The following MSH3 variants were observed in gnomAD, a reference collection of about 807,000 sequenced individuals.
The protein encoded by MSH3 is DNA mismatch repair protein Msh3.
Under a neutral mutation model 123.3 loss-of-function variants are expected in MSH3, and 106 were observed. The observed-to-expected ratio is 0.86, with a 90% confidence interval of 0.73 to 1.01. The LOEUF is 1.01. MSH3 is among the 50% of genes least tolerant of loss of function. The probability of loss-of-function intolerance (pLI) is 0.00; values close to 1 mark genes in which losing one functional copy is unlikely to be tolerated. For synonymous variants in MSH3, 515 were observed against 481.4 expected (o/e 1.07, Z -0.91); for missense variants, 1,459 against 1,347.6 (o/e 1.08, Z -1.29).
intron 2 of MSH3, among the ~76,000 whole-genome samples, chr5:80,664,084 T>C (rs1749509410): frequency 6.6e-6 from 1 of 152,220 alleles, no homozygotes; most frequent in African/African-American, 2.4e-5. Flanking sequence ...CTTTTATGGA[T>C]TGCTTGTTTA....
intron 10 of MSH3, among the ~76,000 whole-genome samples, chr5:80,732,064 G>A (rs79226381): frequency 0.012 from 1,802 of 152,272 alleles, 30 homozygotes; most frequent in African/African-American, 0.041. Context: ...TCTTAAGGAT[G>A]ATTTAAGTGA....
intron 20 of MSH3, among the ~76,000 whole-genome samples, chr5:80,852,889 A>T (rs868432205): frequency 6.6e-6 from 1 of 152,214 alleles, no homozygotes; most frequent in African/African-American, 2.4e-5. Context: ...TTTGTGAACT[A>T]TTGTAGCAAA....
intron 20 of MSH3, among the ~76,000 whole-genome samples, chr5:80,829,018 CA>C (rs1745374038): frequency 6.6e-6 from 1 of 152,194 alleles, no homozygotes; most frequent in Non-Finnish European, 1.5e-5. Flanking sequence ...GACATTACCC[CA>C]CTTGGGGTTG....
At position 80,825,570 on chromosome 5, in the gene MSH3, C is replaced by G. The variant is rs1003213909; in HGVS notation, c.2813+11829C>G. Reference sequence around the variant, plus strand: ...TTGTGACTTGTCTCATACTCAACTCCTAGTGCACACAAGGGAGTTTTTCTC... The same window carrying G: ...TTGTGACTTGTCTCATACTCAACTCGTAGTGCACACAAGGGAGTTTTTCTC... On this transcript the variant is annotated intron_variant, in intron 20 of 23. Coordinates refer to ENST00000265081, the MANE Select transcript of MSH3 (RefSeq NM_002439.5). Among the ~76,000 whole-genome samples the G allele has an allele frequency of 6.6e-5, 6 of 91,386 alleles. No homozygotes were observed. In the Admixed American group the frequency reaches 6.9e-4, roughly 10 times the overall value. The allele number at this position is 91,386 out of a possible 152,430, so 60.0% of individuals were successfully genotyped here.
chr5:80,752,252 A>G (rs1012237142), intron 12 of MSH3, among the ~76,000 whole-genome samples: 1 of 152,036 alleles, frequency 6.6e-6, no homozygotes, highest in Non-Finnish European at 1.5e-5. Flanking sequence ...GCTGAGGTCT[A>G]AGAGGTAAGG....
chr5:80,670,390 G>C (rs1749678200), intron 4 of MSH3, 81 bp downstream of exon 4: 2 of 1,393,804 alleles, frequency 1.4e-6, no homozygotes, highest in African/African-American at 2.9e-5. Context: ...TTCATTTTCT[G>C]ACCTTATATA....
chr5:80,863,036 A>G (rs1261737190), intron 21 of MSH3, among the ~76,000 whole-genome samples: 1 of 152,196 alleles, frequency 6.6e-6, no homozygotes, highest in Non-Finnish European at 1.5e-5. Flanking sequence ...TTAATTACAA[A>G]GGGAAAAGGT....
chr5:80,808,560 T>G (rs1744943919), intron 19 of MSH3, among the ~76,000 whole-genome samples: 1 of 152,064 alleles, frequency 6.6e-6, no homozygotes, highest in African/African-American at 2.4e-5. Flanking sequence ...TAAATAAACA[T>G]GGTTTAAATA....
At chr5:80,701,314 G>A (rs1421594217) in intron 8 of MSH3, among the ~76,000 whole-genome samples, 1 of 152,122 alleles carries the variant, frequency 6.6e-6, no homozygotes, top group African/African-American at 2.4e-5. Context: ...CCCTGGCACA[G>A]CCCTCTGAAG....
intron 21 of MSH3, 62 bp downstream of exon 21, chr5:80,854,378 A>T: frequency 6.8e-7 from 1 of 1,466,554 alleles, no homozygotes; most frequent in Middle Eastern, 1.8e-4. Flanking sequence ...TTTTTAAATG[A>T]CAGTCATAAT....
rs1216185705 is a variant in MSH3, at chr5:80,768,029, T to C, written c.1993T>C (p.Ser665Pro). The change falls in exon 14 of 24, where the codon TCA (serine) becomes CCA (proline). Residue 665 changes from serine (S) to proline (P), a missense_variant. Ser to Pro is a moderately conservative substitution (Grantham distance 74). Coordinates refer to ENST00000265081, the MANE Select transcript of MSH3 (RefSeq NM_002439.5). ...ACCTGCTGTTAATTCCCACATTCAG[T>C]CAGACTTGCTCCGGACCGTTATTTT... ...IIPAVNSHIQ[S>P]DLLRTVILEI... is the part of the protein sequence containing the mutation. The C allele has an allele frequency of 6.2e-7, 1 of 1,613,752 alleles. No homozygotes were observed. The highest frequency in any genetic ancestry group is 1.3e-5 in the African/African-American group (1 of 75,016).
chr5:80,691,826 T>G (rs867452772), intron 8 of MSH3, among the ~76,000 whole-genome samples: 1 of 147,960 alleles, frequency 6.8e-6, no homozygotes, highest in Non-Finnish European at 1.5e-5. Context: ...TGTATGTTTA[T>G]ATAGATAAAT....
intron 8 of MSH3, among the ~76,000 whole-genome samples, chr5:80,709,481 G>A (rs944013733): frequency 3.3e-5 from 5 of 152,040 alleles, no homozygotes; most frequent in Non-Finnish European, 5.9e-5. Flanking sequence ...AATTAGCCTA[G>A]CGCAGTGGCG....
At chr5:80,661,071 A>G (rs1457411077) in intron 2 of MSH3, among the ~76,000 whole-genome samples, 3 of 152,210 alleles carry the variant, frequency 2.0e-5, no homozygotes, top group African/African-American at 7.2e-5. Context: ...TGCTAGGATT[A>G]CAGGCATGAG....
chr5:80,695,108 T>G (rs532380888), intron 8 of MSH3, among the ~76,000 whole-genome samples: 1 of 150,310 alleles, frequency 6.7e-6, no homozygotes, highest in South Asian at 2.1e-4. Context: ...TTTTTGCCTT[T>G]CTTTTCTCCT....
intron 20 of MSH3, among the ~76,000 whole-genome samples, chr5:80,848,758 T>TA (rs1745772091): frequency 6.6e-6 from 1 of 152,096 alleles, no homozygotes; most frequent in African/African-American, 2.4e-5. Flanking sequence ...ACGTGGGAAT[T>TA]ATGGGAGCTA....
rs199809813 is a variant in MSH3 at position 80,730,892 on chromosome 5, A to AT, written c.1568+1928dup. Among the ~76,000 whole-genome samples, 723 of 105,440 alleles carry AT rather than the reference A, an allele frequency of 6.9e-3. 9 individuals are homozygous for AT. Among genetic ancestry groups the AT allele is most frequent in the African/African-American group, 0.018 (554 of 30,498 alleles). 69.2% of individuals were successfully genotyped at this position (105,440 alleles called of 152,430 possible). The stretch of plus-strand genomic sequence containing the variant: ...GTGTCCTCCTCATATATATATATAT[A>AT]TATTTTTTTTTTTTTCTTTTTTTTT... On this transcript the variant is annotated intron_variant, in intron 10 of 23. Coordinates refer to ENST00000265081, the MANE Select transcript of MSH3 (RefSeq NM_002439.5).
chr5:80,735,552 T>TG (rs1195142010), intron 10 of MSH3, among the ~76,000 whole-genome samples: 2 of 151,226 alleles, frequency 1.3e-5, no homozygotes, highest in Non-Finnish European at 2.9e-5. Context: ...GCCACACTGG[T>TG]GGCGGGCACC....
intron 19 of MSH3, among the ~76,000 whole-genome samples, chr5:80,794,863 G>A (rs1744670435): frequency 6.6e-6 from 1 of 152,218 alleles, no homozygotes; most frequent in Middle Eastern, 3.2e-3. Flanking sequence ...AAGCCCTAAA[G>A]AAGAGCTTCT....
Sources: gnomAD v4.1 joint callset for allele counts (sites outside exome capture counted in the v4.1 genomes callset) on GRCh38, gnomAD v4.1.1 for gene constraint, MANE v1.5 for transcripts, NCBI Gene and HGNC (gene_info 2026-07-23, HGNC 2026-07-21) for gene names.